Variants in ATP11B observed in about 807,000 individuals in gnomAD.
ATP11B encodes ATPase phospholipid transporting 11B (putative), also known as phospholipid-transporting ATPase IF.
In ATP11B, 81 loss-of-function variants were observed where a neutral mutation model predicts 157.8. The ratio of observed to expected loss-of-function variants is 0.51; its 90% CI spans 0.43 to 0.62. The LOEUF (loss-of-function observed/expected upper bound fraction) is 0.62. ATP11B is among the 20% of genes least tolerant of loss of function. The pLI, the probability that ATP11B is intolerant of heterozygous loss-of-function variation, is 0.00. For synonymous variants in ATP11B, 451 were observed against 469.4 expected (o/e 0.96, Z 0.51); for missense variants, 1,165 against 1,402.2 (o/e 0.83, Z 2.70).
chr3:182,842,220 A>G (rs1719104517), intron 8 of ATP11B, 98 bp downstream of exon 8: 5 of 835,606 alleles, frequency 6.0e-6, no homozygotes, highest in Non-Finnish European at 9.8e-6. Flanking sequence ...TAAGCAGCCC[A>G]TCATGGGAAA....
intron 28 of ATP11B, among the ~76,000 whole-genome samples, chr3:182,904,504 G>A (rs1363865606): frequency 2.6e-5 from 4 of 152,126 alleles, no homozygotes; most frequent in African/African-American, 7.2e-5. Context: ...CCATAATAGC[G>A]TAACTATTTA....
Position 182,918,187 on chromosome 3 carries a change from T to A in ATP11B, c.*83T>A. ...TCACCCTGTTAATGGCCACACTAGC[T>A]CTGAAATTAATTTCCAAAATCTTTG... On this transcript the variant is annotated 3_prime_UTR_variant, in exon 30 of 30. Transcript: ENST00000323116. 6.4e-7 allele frequency: 1 copy of A among 1,565,408 alleles called. No individual in the cohort carries two copies. The highest frequency in any genetic ancestry group is 8.7e-7 in the Non-Finnish European group (1 of 1,155,082).
At chr3:182,898,180 A>G (rs1723694948) in intron 27 of ATP11B, among the ~76,000 whole-genome samples, 1 of 152,170 alleles carries the variant, frequency 6.6e-6, no homozygotes, top group Non-Finnish European at 1.5e-5. Flanking sequence ...AACACTTACT[A>G]CTATGTAAAA....
At chr3:182,883,818 A>G (rs1280696988) in intron 21 of ATP11B, among the ~76,000 whole-genome samples, 2 of 149,224 alleles carry the variant, frequency 1.3e-5, no homozygotes, top group Non-Finnish European at 3.0e-5. Flanking sequence ...AGCCGGGCGT[A>G]GTGGCGGGCG....
rs377513413 is a variant in ATP11B, at chr3:182,836,192, A to C, written c.423+50A>C. The C allele has an allele frequency of 1.0e-5, 16 of 1,570,712 alleles. No homozygotes were observed. In the African/African-American group the frequency reaches 1.9e-4, roughly 19 times the overall value. Reference sequence around the variant, plus strand: ...ATCAACTTTATCTTGATATCACAGGACATAATTCTAATCTTGATATTACGT... The same window carrying C: ...ATCAACTTTATCTTGATATCACAGGCCATAATTCTAATCTTGATATTACGT... On this transcript the variant is annotated intron_variant, in intron 5 of 29. Coordinates refer to ENST00000323116, the MANE Select transcript of ATP11B (RefSeq NM_014616.3).
intron 1 of ATP11B, among the ~76,000 whole-genome samples, chr3:182,802,123 G>A (rs189221787): frequency 6.6e-6 from 1 of 152,154 alleles, no homozygotes; most frequent in African/African-American, 2.4e-5. Context: ...CTAAGTGTTT[G>A]GGGAGCAAAT....
intron 26 of ATP11B, among the ~76,000 whole-genome samples, 195 bp downstream of exon 26, chr3:182,896,960 A>G (rs974128466): frequency 6.6e-6 from 1 of 152,134 alleles, no homozygotes; most frequent in Non-Finnish European, 1.5e-5. Context: ...GGGAAGCCTC[A>G]GCTGATATTT....
At chr3:182,848,206 C>A (rs934435568) in intron 9 of ATP11B, among the ~76,000 whole-genome samples, 1 of 152,162 alleles carries the variant, frequency 6.6e-6, no homozygotes, top group Non-Finnish European at 1.5e-5. Context: ...TCTATCAATT[C>A]CAATTCAAGT....
intron 3 of ATP11B, 34 bp downstream of exon 3, chr3:182,828,243 C>A: frequency 2.0e-6 from 2 of 1,010,462 alleles, no homozygotes; most frequent in South Asian, 1.8e-5. Flanking sequence ...AGTTTGTAAA[C>A]ATAGTTTCTA....
At position 182,831,579 on chromosome 3, in the gene ATP11B, T is replaced by A. The variant is rs558882625; in HGVS notation, c.315+1827T>A. On this transcript the variant is annotated intron_variant, in intron 4 of 29. Transcript: ENST00000323116. Reference sequence around the variant, plus strand: ...GGTTCCTTCTTCATTTCCTACCATTTTTTTTTTTAAACTCACTGTGCTGCA... The same window carrying A: ...GGTTCCTTCTTCATTTCCTACCATTATTTTTTTTAAACTCACTGTGCTGCA... Among the ~76,000 whole-genome samples, 130 of 151,614 alleles carry A rather than the reference T, an allele frequency of 8.6e-4. 1 individual carries two copies. The South Asian group carries it at 0.025, about 30-fold the overall frequency.
intron 29 of ATP11B, chr3:182,916,786 A>T (rs1431562538): frequency 1.0e-6 from 1 of 985,312 alleles, no homozygotes; most frequent in Non-Finnish European, 1.2e-6. Context: ...GGAAAGAAGA[A>T]AAACTAATAT....
At chr3:182,821,120 G>A (rs773251326) in intron 2 of ATP11B, among the ~76,000 whole-genome samples, 2 of 151,948 alleles carry the variant, frequency 1.3e-5, no homozygotes, top group Non-Finnish European at 2.9e-5. Flanking sequence ...TTGTTTGCTT[G>A]TTTTTTTGAG....
At chr3:182,903,621 T>C (rs1724125184) in intron 28 of ATP11B, among the ~76,000 whole-genome samples, 1 of 152,188 alleles carries the variant, frequency 6.6e-6, no homozygotes, top group Non-Finnish European at 1.5e-5. Flanking sequence ...TACAAATGGG[T>C]GTTTAAGTTG....
At chr3:182,907,015 C>T (rs1453075187) in intron 28 of ATP11B, among the ~76,000 whole-genome samples, 1 of 151,552 alleles carries the variant, frequency 6.6e-6, no homozygotes, top group Non-Finnish European at 1.5e-5. Context: ...ATGGCATAAA[C>T]CTGGGAGGCG....
chr3:182,853,457 C>T lies in ATP11B; in HGVS notation c.852-4421C>T, dbSNP rs115389866. 5.1e-3 allele frequency among the ~76,000 whole-genome samples: 772 copies of T among 152,224 alleles called. 9 individuals are homozygous for T. Among genetic ancestry groups the T allele is most frequent in the African/African-American group, 0.017 (725 of 41,528 alleles). ...TCTTGACCTCTTGATCCGCCTACCT[C>T]GGCCTCCCTGCAGGTGTGAGCCACT... is the stretch of plus-strand genomic sequence containing the variant. On this transcript the variant is annotated intron_variant, in intron 10 of 29. Coordinates refer to ENST00000323116, the MANE Select transcript of ATP11B (RefSeq NM_014616.3).
intron 1 of ATP11B, among the ~76,000 whole-genome samples, chr3:182,803,247 C>T (rs932853648): frequency 6.6e-6 from 1 of 152,138 alleles, no homozygotes; most frequent in Non-Finnish European, 1.5e-5. Flanking sequence ...AAAAAACGTA[C>T]CAGTCTGATG....
intron 26 of ATP11B, 97 bp from the exon 27 acceptor site, chr3:182,897,206 C>T: frequency 1.5e-6 from 1 of 668,022 alleles, no homozygotes; most frequent in Non-Finnish European, 2.5e-6. Context: ...TTCTGAGAGA[C>T]TTTTAGATAC....
chr3:182,904,713 C>T (rs1724206382), intron 28 of ATP11B, among the ~76,000 whole-genome samples: 1 of 151,954 alleles, frequency 6.6e-6, no homozygotes, highest in South Asian at 2.1e-4. Flanking sequence ...CATGGTGAAA[C>T]CCCATCTCTA....
chr3:182,820,496 C>T lies in ATP11B; in HGVS notation c.144+120C>T, dbSNP rs1222773384. The T allele has an allele frequency of 4.4e-6, 3 of 678,504 alleles. No individual in the cohort carries two copies. The East Asian group carries it at 8.0e-5, about 18-fold the overall frequency. 42.0% of individuals were successfully genotyped at this position (678,504 alleles called of 1,614,324 possible). A position where few individuals can be genotyped will look rare whatever the true frequency, so the allele number is the denominator to read the frequency against. Reference sequence around the variant, plus strand: ...CCCAGGAGTTTGCGACCAGTGTGGGCAACATAATGAGACCTTGTCTCTGCA... The same window carrying T: ...CCCAGGAGTTTGCGACCAGTGTGGGTAACATAATGAGACCTTGTCTCTGCA... On this transcript the variant is annotated intron_variant, in intron 2 of 29. Coordinates refer to ENST00000323116, the MANE Select transcript of ATP11B (RefSeq NM_014616.3).
Sources: allele counts gnomAD v4.1 joint callset (sites outside exome capture counted in the v4.1 genomes callset), GRCh38; gene constraint gnomAD v4.1.1; transcripts MANE v1.5; gene names NCBI Gene and HGNC (gene_info 2026-07-23, HGNC 2026-07-21).